The following ATG10 variants were observed in gnomAD, a reference collection of about 807,000 sequenced individuals.
ATG10 encodes the protein autophagy related 10, also known as ubiquitin-like-conjugating enzyme ATG10.
Under a neutral mutation model 32.1 loss-of-function variants are expected in ATG10, and 30 were observed. The observed-to-expected ratio is 0.94, with a 90% CI of 0.70 to 1.27. The LOEUF is 1.27. ATG10 is among the 50% of genes most tolerant of loss of function. ATG10 has a pLI of 0.00. For missense variants in ATG10, 233 were observed against 262.3 expected, an observed-to-expected ratio of 0.89 and a Z score of 0.77; for synonymous variants, 87 against 91.5, an observed-to-expected ratio of 0.95 and a Z score of 0.28.
At chr5:82,125,488 A>G (rs1243890981) in intron 3 of ATG10, among the ~76,000 whole-genome samples, 7 of 152,340 alleles carry the variant, frequency 4.6e-5, no homozygotes, top group African/African-American at 1.2e-4. Context: ...AGTTTTCTGC[A>G]TATGGCTAGC....
Position 82,034,731 on chromosome 5 carries a change from C to G in ATG10, c.109-23764C>G, listed in dbSNP as rs113453680. Among the ~76,000 whole-genome samples, 252 of 152,202 alleles carry G rather than the reference C, an allele frequency of 1.7e-3. 2 individuals are homozygous for G. Among genetic ancestry groups the G allele is most frequent in the African/African-American group, 5.8e-3 (239 of 41,540 alleles). On this transcript the variant is annotated intron_variant, in intron 2 of 7. Transcript: ENST00000282185. ...TGTGGCGCCTCGGCCCTTCCTGTTC[C>G]CACTATCTGTTGTGTTCTTCCCCTA... is the stretch of plus-strand genomic sequence containing the variant.
At chr5:82,167,151 G>C (rs1405423569) in intron 4 of ATG10, among the ~76,000 whole-genome samples, 1 of 152,178 alleles carries the variant, frequency 6.6e-6, no homozygotes, top group Non-Finnish European at 1.5e-5. Context: ...CCAAGACTCA[G>C]TTAACATGCC....
At position 82,128,826 on chromosome 5, in the gene ATG10, A is replaced by G. The variant is rs139849824; in HGVS notation, c.217-35573A>G. Reference sequence around the variant, plus strand: ...CATTTCAATCTTGGTAAATCTGATGATTATGTGTTTTTGGGTTGCTCTTCT... The same window carrying G: ...CATTTCAATCTTGGTAAATCTGATGGTTATGTGTTTTTGGGTTGCTCTTCT... On this transcript the variant is annotated intron_variant, in intron 3 of 7. Transcript: ENST00000282185. Among the ~76,000 whole-genome samples, 489 of 150,900 alleles carry G rather than the reference A, an allele frequency of 3.2e-3. 11 individuals are homozygous for G. The highest frequency in any genetic ancestry group is 0.022 in the Admixed American group (332 of 15,202).
At chr5:81,992,475 C>T (rs945743972) in intron 2 of ATG10, 14 of 151,764 alleles carry the variant, frequency 9.2e-5, no homozygotes, top group South Asian at 2.1e-4. Flanking sequence ...GTTCCTGGCT[C>T]GCCACAACCT....
intron 5 of ATG10, among the ~76,000 whole-genome samples, chr5:82,199,407 T>C (rs1744981953): frequency 6.6e-6 from 1 of 152,168 alleles, no homozygotes; most frequent in African/African-American, 2.4e-5. Flanking sequence ...TTCCCAAGTC[T>C]TGACAGCTAA....
intron 3 of ATG10, among the ~76,000 whole-genome samples, chr5:82,097,501 G>A (rs1245765896): frequency 2.6e-5 from 4 of 152,180 alleles, no homozygotes; most frequent in Non-Finnish European, 4.4e-5. Flanking sequence ...TTCAACCTCC[G>A]CAAAAAGATA....
intron 2 of ATG10, among the ~76,000 whole-genome samples, chr5:82,010,891 G>A (rs1762110151): frequency 6.6e-6 from 1 of 152,138 alleles, no homozygotes; most frequent in Non-Finnish European, 1.5e-5. Context: ...GTGTTCCTGT[G>A]AGTGTATAGG....
intron 5 of ATG10, among the ~76,000 whole-genome samples, chr5:82,236,817 G>T (rs1237074715): frequency 6.6e-6 from 1 of 152,150 alleles, no homozygotes; most frequent in East Asian, 1.9e-4. Flanking sequence ...TGGCTCACTT[G>T]TCTTCCTCTG....
chr5:82,178,056 A>T (rs1166533817), intron 4 of ATG10, among the ~76,000 whole-genome samples: 1 of 152,118 alleles, frequency 6.6e-6, no homozygotes, highest in Admixed American at 6.6e-5. Context: ...GACATTATAG[A>T]TACTCCATGA....
intron 3 of ATG10, among the ~76,000 whole-genome samples, chr5:82,094,297 T>C (rs1300063759): frequency 6.6e-6 from 1 of 152,166 alleles, no homozygotes; most frequent in Non-Finnish European, 1.5e-5. Flanking sequence ...TTTAGTTGTT[T>C]CAGGTAGCAA....
chr5:82,110,764 G>A (rs1356318049), intron 3 of ATG10, among the ~76,000 whole-genome samples: 2 of 152,142 alleles, frequency 1.3e-5, no homozygotes, highest in East Asian at 1.9e-4. Flanking sequence ...TGTTCACTCT[G>A]ATGGTAGTTT....
intron 1 of ATG10, among the ~76,000 whole-genome samples, chr5:81,985,894 C>T (rs1761251654): frequency 2.0e-5 from 3 of 152,156 alleles, no homozygotes; most frequent in Non-Finnish European, 1.5e-5. Context: ...TCTCGAGTAG[C>T]TGGGACTACA....
rs377510864 is a variant in ATG10, at chr5:82,189,288, CAAAT to C, written c.453+10704_453+10707del. Among the ~76,000 whole-genome samples the C allele has an allele frequency of 3.7e-4, 56 of 152,238 alleles. No homozygotes were observed. In the South Asian group the frequency reaches 0.011, roughly 31 times the overall value. On this transcript the variant is annotated intron_variant, in intron 5 of 7. Coordinates refer to ENST00000282185, the MANE Select transcript of ATG10 (RefSeq NM_031482.5). ...AAAGATTTTGAGCTTTCTAAAATAACAAATAACAAGGGAGAGCCAATTAAATACA... is the reference window on the plus strand; with the variant it reads ...AAAGATTTTGAGCTTTCTAAAATAACAACAAGGGAGAGCCAATTAAATACA...
chr5:82,153,490 G>A (rs1031366910), intron 3 of ATG10, among the ~76,000 whole-genome samples: 2 of 152,054 alleles, frequency 1.3e-5, no homozygotes, highest in African/African-American at 2.4e-5. Flanking sequence ...AGGTGACAGG[G>A]GTGACAGATT....
chr5:82,098,456 G>A (rs527672757), intron 3 of ATG10, among the ~76,000 whole-genome samples: 2 of 151,806 alleles, frequency 1.3e-5, no homozygotes, highest in African/African-American at 2.4e-5. Context: ...GATTGCAGGC[G>A]CCCACCACCA....
chr5:82,019,748 T>G (rs563591866), intron 2 of ATG10, among the ~76,000 whole-genome samples: 18 of 152,248 alleles, frequency 1.2e-4, no homozygotes, highest in African/African-American at 4.3e-4. Context: ...CTTAGTTGGG[T>G]GTTTGCTTAG....
intron 1 of ATG10, among the ~76,000 whole-genome samples, chr5:81,985,696 T>G (rs921777924): frequency 1.2e-4 from 19 of 152,194 alleles, no homozygotes; most frequent in African/African-American, 4.6e-4. Context: ...CAGCAGTTTA[T>G]TTTTCTTAGA....
rs571924195 is a variant in ATG10, at chr5:82,212,584, A to G, written c.453+33997A>G. On this transcript the variant is annotated intron_variant, in intron 5 of 7. Coordinates refer to ENST00000282185, the MANE Select transcript of ATG10 (RefSeq NM_031482.5). ...ATACTACATGGAAGTGCCATTTTAA[A>G]CCTACCATATTGGCAAAGATATAAA... Among the ~76,000 whole-genome samples, 24 of 152,336 alleles carry G rather than the reference A, an allele frequency of 1.6e-4. 1 individual carries two copies. The South Asian group carries it at 4.3e-3, about 28-fold the overall frequency.
Position 82,067,305 on chromosome 5 carries a change from G to C in ATG10, c.216+8703G>C, listed in dbSNP as rs151138231. Among the ~76,000 whole-genome samples the C allele has an allele frequency of 5.3e-3, 807 of 152,180 alleles. 5 individuals carry two copies. Among genetic ancestry groups the C allele is most frequent in the African/African-American group, 0.016 (654 of 41,528 alleles). On this transcript the variant is annotated intron_variant, in intron 3 of 7. Coordinates refer to ENST00000282185, the MANE Select transcript of ATG10 (RefSeq NM_031482.5). Reference sequence around the variant, plus strand: ...TAGGATCTTTAATTCCAGTAAAACTGGGGATTATTGCACTAAATATACTAT... The same window carrying C: ...TAGGATCTTTAATTCCAGTAAAACTCGGGATTATTGCACTAAATATACTAT...
Sources: gnomAD v4.1 joint callset for allele counts (sites outside exome capture counted in the v4.1 genomes callset) on GRCh38, gnomAD v4.1.1 for gene constraint, MANE v1.5 for transcripts, NCBI Gene and HGNC (gene_info 2026-07-23, HGNC 2026-07-21) for gene names.